PRORP: variants seen among roughly 807,000 people sequenced by gnomAD.
The protein encoded by PRORP is mitochondrial ribonuclease P catalytic subunit.
Under a neutral mutation model 59.4 loss-of-function variants are expected in PRORP, and 51 were observed. That is an observed-to-expected ratio of 0.86 (90% CI 0.69 to 1.08). The LOEUF is 1.08. PRORP is among the 50% of genes least tolerant of loss of function. The pLI, the probability that PRORP is intolerant of heterozygous loss-of-function variation, is 0.00. For synonymous variants in PRORP, 231 were observed against 245.6 expected (o/e 0.94, Z 0.55); for missense variants, 646 against 690.3 (o/e 0.94, Z 0.72).
chr14:35,154,988 G>T (rs575615375), intron 4 of PRORP, among the ~76,000 whole-genome samples: 1 of 151,944 alleles, frequency 6.6e-6, no homozygotes, highest in Non-Finnish European at 1.5e-5. Context: ...TCAACCTCCC[G>T]GGCTCAGGTG....
intron 6 of PRORP, among the ~76,000 whole-genome samples, chr14:35,269,622 G>A (rs866104474): frequency 6.6e-6 from 1 of 152,048 alleles, no homozygotes; most frequent in Non-Finnish European, 1.5e-5. Flanking sequence ...TCCATAAACC[G>A]AATACATTTT....
At chr14:35,149,632 G>A (rs985963639) in intron 4 of PRORP, among the ~76,000 whole-genome samples, 1 of 152,202 alleles carries the variant, frequency 6.6e-6, no homozygotes, top group Non-Finnish European at 1.5e-5. Context: ...TGGAATTGAA[G>A]CATTCAGGTC....
intron 5 of PRORP, among the ~76,000 whole-genome samples, chr14:35,256,795 G>A (rs2050772409): frequency 1.3e-5 from 2 of 152,076 alleles, no homozygotes; most frequent in Non-Finnish European, 2.9e-5. Context: ...TTGCAGCTGA[G>A]CGATGGGTAC....
chr14:35,220,972 G>A (rs1280745562), intron 5 of PRORP, among the ~76,000 whole-genome samples: 1 of 152,204 alleles, frequency 6.6e-6, no homozygotes, highest in Admixed American at 6.5e-5. Context: ...CTAAGCCAGT[G>A]TTAAAGACCT....
intron 5 of PRORP, among the ~76,000 whole-genome samples, chr14:35,220,268 T>A (rs895412360): frequency 2.0e-5 from 3 of 152,224 alleles, no homozygotes; most frequent in Admixed American, 6.5e-5. Context: ...TCATGACACA[T>A]TCGTCATTTT....
At chr14:35,242,458 A>G (rs1347783628) in intron 5 of PRORP, among the ~76,000 whole-genome samples, 2 of 152,174 alleles carry the variant, frequency 1.3e-5, no homozygotes, top group Admixed American at 6.5e-5. Flanking sequence ...GATAGTGTAC[A>G]TGTTTATTGT....
At chr14:35,259,893 A>G (rs974771839) in intron 5 of PRORP, among the ~76,000 whole-genome samples, 1 of 152,142 alleles carries the variant, frequency 6.6e-6, no homozygotes, top group Non-Finnish European at 1.5e-5. Flanking sequence ...ATTCTGTCTC[A>G]AAAAATAAAT....
intron 4 of PRORP, among the ~76,000 whole-genome samples, chr14:35,153,344 A>G (rs981628878): frequency 1.3e-5 from 2 of 152,254 alleles, no homozygotes; most frequent in Non-Finnish European, 2.9e-5. Flanking sequence ...GCAGCAGTAC[A>G]GTCCAGCTTC....
chr14:35,252,917 C>T (rs960132280), intron 5 of PRORP, among the ~76,000 whole-genome samples: 26 of 152,188 alleles, frequency 1.7e-4, no homozygotes, highest in Admixed American at 1.4e-3. Flanking sequence ...ATTCTATCCC[C>T]GGCTTTCTCA....
Position 35,146,094 on chromosome 14 carries a change from G to T in PRORP, c.1167+18483G>T, listed in dbSNP as rs560387936. Among the ~76,000 whole-genome samples, 8 of 152,142 alleles carry T rather than the reference G, an allele frequency of 5.3e-5. No individual in the cohort carries two copies. The East Asian group carries it at 1.5e-3, about 29-fold the overall frequency. On this transcript the variant is annotated intron_variant, in intron 4 of 7. Transcript: ENST00000534898. ...GATCCGCCCGCCTCGGCCTCCCAAAGTGCTGGGATTACAGGTGTGAGCCGC... is the reference window on the plus strand; with the variant it reads ...GATCCGCCCGCCTCGGCCTCCCAAATTGCTGGGATTACAGGTGTGAGCCGC...
chr14:35,256,634 G>T (rs1300715772), intron 5 of PRORP, among the ~76,000 whole-genome samples: 2 of 151,230 alleles, frequency 1.3e-5, no homozygotes, highest in Non-Finnish European at 2.9e-5. Context: ...CTGGCCCTGT[G>T]CTTATCTTTT....
At chr14:35,218,146 C>T (rs1171170066) in intron 5 of PRORP, among the ~76,000 whole-genome samples, 1 of 152,092 alleles carries the variant, frequency 6.6e-6, no homozygotes, top group Non-Finnish European at 1.5e-5. Flanking sequence ...CTGACACCCT[C>T]CTGTCAAGCT....
intron 5 of PRORP, among the ~76,000 whole-genome samples, chr14:35,201,128 G>C (rs1396553470): frequency 6.6e-6 from 1 of 152,204 alleles, no homozygotes; most frequent in Admixed American, 6.5e-5. Context: ...GAAGACCACA[G>C]AGGCAAAATG....
intron 5 of PRORP, among the ~76,000 whole-genome samples, chr14:35,189,474 C>T (rs370500619): frequency 6.8e-6 from 1 of 148,036 alleles, no homozygotes; most frequent in South Asian, 2.1e-4. Context: ...TTCTGAGTGA[C>T]TAGCAGATTG....
At chr14:35,268,978 C>T (rs2051118104) in intron 6 of PRORP, among the ~76,000 whole-genome samples, 1 of 152,172 alleles carries the variant, frequency 6.6e-6, no homozygotes, top group East Asian at 1.9e-4. Flanking sequence ...GTTCCCAAAC[C>T]ACATCCCTTC....
chr14:35,148,067 T>C (rs897629111), intron 4 of PRORP, among the ~76,000 whole-genome samples: 2 of 152,212 alleles, frequency 1.3e-5, no homozygotes, highest in African/African-American at 4.8e-5. Flanking sequence ...GAGTCATCCA[T>C]GAGGGTTGGT....
chr14:35,128,702 T>G (rs1335315637), intron 4 of PRORP, among the ~76,000 whole-genome samples: 1 of 152,140 alleles, frequency 6.6e-6, no homozygotes, highest in Non-Finnish European at 1.5e-5. Flanking sequence ...TCATCTCTGA[T>G]TTTATTTGGG....
intron 4 of PRORP, among the ~76,000 whole-genome samples, chr14:35,173,941 C>T (rs550345171): frequency 5.7e-4 from 87 of 152,056 alleles, no homozygotes; most frequent in African/African-American, 2.0e-3. Flanking sequence ...GCTGGGACTC[C>T]GTTGGACTGT....
At chr14:35,246,693 T>G (rs1244276588) in intron 5 of PRORP, among the ~76,000 whole-genome samples, 6 of 152,190 alleles carry the variant, frequency 3.9e-5, no homozygotes, top group African/African-American at 1.2e-4. Flanking sequence ...GGGGTTAAGA[T>G]TAGATGCATG....
Sources: allele counts gnomAD v4.1 joint callset (sites outside exome capture counted in the v4.1 genomes callset), GRCh38; gene constraint gnomAD v4.1.1; transcripts MANE v1.5; gene names NCBI Gene and HGNC (gene_info 2026-07-23, HGNC 2026-07-21).